SELENOW: variants seen among roughly 807,000 people sequenced by gnomAD.
SELENOW encodes the protein selenoprotein W, also known as selenoprotein W, 1.
A neutral mutation model predicts 16.6 loss-of-function variants in SELENOW; 20 were observed. The observed-to-expected ratio is 1.21, with a 90% confidence interval of 0.85 to 1.76. The LOEUF is 1.76. Ranked by LOEUF, SELENOW falls within the 40% of genes most tolerant of loss-of-function variation. The pLI, the probability that SELENOW is intolerant of heterozygous loss-of-function variation, is 0.00. For synonymous variants in SELENOW, 44 were observed against 46.2 expected (o/e 0.95, Z 0.19); for missense variants, 124 against 111.0 (o/e 1.12, Z -0.53).
At position 47,780,933 on chromosome 19, in the gene SELENOW, G is replaced by A; in HGVS notation, c.108+16G>A. On this transcript the variant is annotated intron_variant, in intron 3 of 5. Transcript: ENST00000601048. The stretch of plus-strand genomic sequence containing the variant: ...CCTGGACATCGTGAGTCTTGGGATG[G>A]GGAGAAAGACTTGAGCACAGCCACT... The A allele has an allele frequency of 6.2e-7, 1 of 1,612,900 alleles. No homozygotes were observed. Among genetic ancestry groups the A allele is most frequent in the East Asian group, 2.2e-5 (1 of 44,796 alleles).
chr19:47,784,180 G>C (rs556200736), intron 5 of SELENOW, 110 bp from the exon 6 acceptor site: 1 of 152,354 alleles, frequency 6.6e-6, no homozygotes, highest in East Asian at 1.9e-4. Context: ...GATTACAGAC[G>C]TGAGCCACCA....
chr19:47,778,892 G>A, intron 1 of SELENOW, 78 bp downstream of exon 1: 1 of 1,450,540 alleles, frequency 6.9e-7, no homozygotes, highest in Non-Finnish European at 9.4e-7. Flanking sequence ...AGGGAGCCCC[G>A]GGGAGAGGAC....
At chr19:47,779,853 A>G (rs1182110910) in intron 1 of SELENOW, 2 of 194,482 alleles carry the variant, frequency 1.0e-5, no homozygotes, top group Non-Finnish European at 2.2e-5. Context: ...GTTCTATGTT[A>G]CAGGTGAGAA....
intron 1 of SELENOW, chr19:47,779,692 GCAGCTGCTT>G: frequency 6.5e-6 from 1 of 153,486 alleles, no homozygotes; most frequent in Non-Finnish European, 1.5e-5. Context: ...TCCTGTAGTC[GCAGCTGCTT>G]GGGAGGCTGA....
Position 47,778,820 on chromosome 19 carries a change from C to CAGCGG in SELENOW, c.29+6_29+7insAGCGG. On this transcript the variant is annotated splice_region_variant and intron_variant, in intron 1 of 5. Transcript: ENST00000601048. ...GCCGTCCGAGTCGTTTATTGGTAAG[C>CAGCGG]CCAGCGGCCAGCGGCCCCCGTCCCC... The CAGCGG allele has an allele frequency of 1.2e-6, 2 of 1,602,032 alleles. No individual in the cohort carries two copies. The highest frequency in any genetic ancestry group is 8.5e-7 in the Non-Finnish European group (1 of 1,174,560).
At chr19:47,781,069 C>G (rs370542907) in intron 3 of SELENOW, 39 bp from the exon 4 acceptor site, 2 of 1,589,204 alleles carry the variant, frequency 1.3e-6, no homozygotes, top group South Asian at 1.1e-5. Context: ...AAGAGGACAT[C>G]TTAGCCCCTC....
Position 47,778,719 on chromosome 19 carries a change from C to G in SELENOW, c.-67C>G. On this transcript the variant is annotated 5_prime_UTR_variant, in exon 1 of 6. Transcript: ENST00000601048. ...TCCCGCCGCACTCGCGCAGACCTAG[C>G]GCGTCCAGGTGGGAGGTTAGTGTGG... 2 of 1,544,454 alleles carry G rather than the reference C, an allele frequency of 1.3e-6. No homozygotes were observed. The highest frequency in any genetic ancestry group is 1.8e-6 in the Non-Finnish European group (2 of 1,138,932).
chr19:47,780,771 G>T (rs1967464647), intron 2 of SELENOW, 22 bp downstream of exon 2: 1 of 1,581,808 alleles, frequency 6.3e-7, no homozygotes, highest in African/African-American at 1.3e-5. Flanking sequence ...GGATGCCCGG[G>T]GGGCATTCCT....
At chr19:47,781,830 G>A (rs1020189221) in intron 5 of SELENOW, among the ~76,000 whole-genome samples, 1 of 150,992 alleles carries the variant, frequency 6.6e-6, no homozygotes, top group African/African-American at 2.4e-5. Flanking sequence ...TGGGTCAGAG[G>A]TGTGCAGGAT....
intron 1 of SELENOW, 47 bp downstream of exon 1, chr19:47,778,861 C>G: frequency 6.4e-7 from 1 of 1,573,488 alleles, no homozygotes. Flanking sequence ...CCGCCGGGAC[C>G]CGATTCTCGG....
In SELENOW at chr19:47,781,154, T is replaced by G; in HGVS notation, c.155T>G (p.Val52Gly). 5 of 1,613,836 alleles carry G rather than the reference T, an allele frequency of 3.1e-6. No individual in the cohort carries two copies. Among genetic ancestry groups the G allele is most frequent in the Non-Finnish European group, 4.2e-6 (5 of 1,179,840 alleles). ...PQATGFFEVM[V>G]AGKLIHSKKK... ...GCCACCGGGTTCTTTGAAGTGATGG[T>G]AGCCGGGAAGTTGATTCACTCTAAG... is the stretch of plus-strand genomic sequence containing the variant. The change falls in exon 4 of 6, where the codon GTA becomes GGA. Residue 52 changes from valine to glycine, a missense_variant. By Grantham distance (109) the Val-to-Gly change is moderately radical (BLOSUM62 -3). Coordinates refer to ENST00000601048, the MANE Select transcript of SELENOW (RefSeq NM_003009.4).
Position 47,781,098 on chromosome 19 carries a change from C to T in SELENOW, c.109-10C>T, listed in dbSNP as rs1967470048. On this transcript the variant is annotated splice_polypyrimidine_tract_variant and intron_variant, in intron 3 of 5. Transcript: ENST00000601048. ...GCCCCTCCAACATCTCCCCTACCCC[C>T]TTTCCTCAGTGCGGCGAGGGAACTC... 1.2e-6 allele frequency: 2 copies of T among 1,613,132 alleles called. No homozygotes were observed. Among genetic ancestry groups the T allele is most frequent in the African/African-American group, 2.7e-5 (2 of 74,902 alleles).
At chr19:47,779,066 A>C in intron 1 of SELENOW, 1 of 507,478 alleles carries the variant, frequency 2.0e-6, no homozygotes, top group Non-Finnish European at 3.5e-6. Flanking sequence ...AGTGTGTGTC[A>C]ATTTCGAACC....
chr19:47,781,053 C>T lies in SELENOW; in HGVS notation c.109-55C>T. The T allele has an allele frequency of 2.5e-6, 4 of 1,575,924 alleles. No homozygotes were observed. In the Admixed American group the frequency reaches 6.7e-5, roughly 26 times the overall value. ...CTCATCCCCCTGGGAAGGGGAGGGT[C>T]TCCCCAAGAGGACATCTTAGCCCCT... On this transcript the variant is annotated intron_variant, in intron 3 of 5. Transcript: ENST00000601048.
rs772403495 is a variant in SELENOW at position 47,780,840 on chromosome 19, TG to T, written c.55-23del. Reference sequence around the variant, plus strand: ...GGGGGCTGACTGGTATGACCCCTGCTGTGACCTCTCACCGCGTTTTCAGTAT... The same window carrying T: ...GGGGGCTGACTGGTATGACCCCTGCTTGACCTCTCACCGCGTTTTCAGTAT... On this transcript the variant is annotated intron_variant, in intron 2 of 5. Transcript: ENST00000601048. 10 of 1,611,600 alleles carry T rather than the reference TG, an allele frequency of 6.2e-6. No homozygotes were observed. In the South Asian group the frequency reaches 1.1e-4, roughly 18 times the overall value.
chr19:47,781,123 C>T lies in SELENOW; in HGVS notation c.124C>T (p.Pro42Ser). 2.5e-6 allele frequency: 4 copies of T among 1,613,582 alleles called. No homozygotes were observed. The highest frequency in any genetic ancestry group is 3.4e-6 in the Non-Finnish European group (4 of 1,179,634). Residue 42 changes from proline to serine, a missense_variant, in exon 4 of 6, where the codon CCC (proline) becomes TCC (serine). By Grantham distance (74) the Pro-to-Ser change is moderately conservative (BLOSUM62 -1). Coordinates refer to ENST00000601048, the MANE Select transcript of SELENOW (RefSeq NM_003009.4). ...GRLDICGEGT[P>S]QATGFFEVMV... Reference sequence around the variant, plus strand: ...CTTTCCTCAGTGCGGCGAGGGAACTCCCCAGGCCACCGGGTTCTTTGAAGT... The same window carrying T: ...CTTTCCTCAGTGCGGCGAGGGAACTTCCCAGGCCACCGGGTTCTTTGAAGT...
Position 47,784,311 on chromosome 19 carries a change from CCT to C in SELENOW, c.*44_*45del, listed in dbSNP as rs1433766618. On this transcript the variant is annotated 3_prime_UTR_variant, in exon 6 of 6. Coordinates refer to ENST00000601048, the MANE Select transcript of SELENOW (RefSeq NM_003009.4). ...ACAGTCCAGGGACCTTGACCCAGCC[CCT>C]CTCAGCAGACGCTTCATGATAGGAA... 6.6e-6 allele frequency: 1 copy of C among 152,662 alleles called. No homozygotes were observed. Among genetic ancestry groups the C allele is most frequent in the Non-Finnish European group, 1.5e-5 (1 of 68,066 alleles). 9.5% of individuals were successfully genotyped at this position (152,662 alleles called of 1,614,324 possible). A position where few individuals can be genotyped will look rare whatever the true frequency, so the allele number is the denominator to read the frequency against.
intron 5 of SELENOW, chr19:47,782,900 G>C (rs985112453): frequency 6.6e-6 from 1 of 152,206 alleles, no homozygotes; most frequent in Non-Finnish European, 1.5e-5. Flanking sequence ...TGAACCTCAG[G>C]AACAAAGAAC....
chr19:47,781,052 T>C, intron 3 of SELENOW, 56 bp from the exon 4 acceptor site: 4 of 1,554,676 alleles, frequency 2.6e-6, no homozygotes, highest in Non-Finnish European at 3.6e-6. Context: ...AAGGGGAGGG[T>C]CTCCCCAAGA....
Sources: allele counts gnomAD v4.1 joint callset (sites outside exome capture counted in the v4.1 genomes callset), GRCh38; gene constraint gnomAD v4.1.1; transcripts MANE v1.5; gene names NCBI Gene and HGNC (gene_info 2026-07-23, HGNC 2026-07-21).